The following DTNA variants were observed in gnomAD, a reference collection of about 807,000 sequenced individuals.
The protein encoded by DTNA is dystrobrevin alpha.
A neutral mutation model predicts 100.7 loss-of-function variants in DTNA; 43 were observed. The ratio of observed to expected loss-of-function variants is 0.43; its 90% CI spans 0.33 to 0.55. The LOEUF (loss-of-function observed/expected upper bound fraction) is 0.55. Among genes scored for constraint, DTNA ranks in the 20% least tolerant of loss-of-function variants. The pLI is 0.04. For synonymous variants in DTNA, 349 were observed against 347.9 expected, an observed-to-expected ratio of 1.00 and a Z score of -0.04; for missense variants, 798 against 953.9, an observed-to-expected ratio of 0.84 and a Z score of 2.15.
In DTNA at chr18:34,820,867, C is replaced by T; in HGVS notation, c.953C>T (p.Pro318Leu). The T allele has an allele frequency of 6.2e-7, 1 of 1,614,130 alleles. No individual in the cohort carries two copies. Among genetic ancestry groups the T allele is most frequent in the Non-Finnish European group, 8.5e-7 (1 of 1,179,994 alleles). The change falls in exon 9 of 23, where the codon CCC becomes CTC. Residue 318 changes from proline to leucine, a missense_variant. Pro to Leu is a moderately conservative substitution (Grantham distance 98). Around this residue, in one of 6 missense-constraint regions of DTNA, gnomAD observed 93 missense variants for 90.5 expected, o/e 1.03. Transcript: ENST00000444659. ...GCTTCCAGCCGTGAACCTTTGCACCCCATGTTCCCAGATCAGCCTGAGAAG... is the reference window on the plus strand; with the variant it reads ...GCTTCCAGCCGTGAACCTTTGCACCTCATGTTCCCAGATCAGCCTGAGAAG... The part of the protein sequence containing the change: ...SCASSREPLH[P>L]MFPDQPEKPL...
At chr18:34,876,462 C>T (rs1399867609) in intron 18 of DTNA, among the ~76,000 whole-genome samples, 1 of 151,880 alleles carries the variant, frequency 6.6e-6, no homozygotes, top group Admixed American at 6.6e-5. Flanking sequence ...ATAGACACCA[C>T]CAAAACAAAA....
chr18:34,728,557 G>A (rs981441857), intron 1 of DTNA, among the ~76,000 whole-genome samples: 5 of 151,766 alleles, frequency 3.3e-5, no homozygotes, highest in Non-Finnish European at 5.9e-5. Context: ...ATAAAATAAA[G>A]TATTTTTCTC....
At chr18:34,541,966 A>G (rs1423298067) in intron 1 of DTNA, among the ~76,000 whole-genome samples, 1 of 152,048 alleles carries the variant, frequency 6.6e-6, no homozygotes, top group Admixed American at 6.6e-5. Context: ...TAAGCAAATC[A>G]TAGAAAGTTT....
chr18:34,574,345 G>A (rs944517314), intron 1 of DTNA: 2 of 153,132 alleles, frequency 1.3e-5, no homozygotes, highest in African/African-American at 4.8e-5. Context: ...TTCTTGTCGA[G>A]TTTCTCCAGT....
chr18:34,623,937 A>G (rs2056930013), intron 1 of DTNA, among the ~76,000 whole-genome samples: 1 of 152,218 alleles, frequency 6.6e-6, no homozygotes, highest in South Asian at 2.1e-4. Context: ...CTTTCATAAC[A>G]GGAAAATGCT....
chr18:34,735,781 A>T (rs1360558779), intron 1 of DTNA, among the ~76,000 whole-genome samples: 1 of 152,146 alleles, frequency 6.6e-6, no homozygotes, highest in Admixed American at 6.5e-5. Flanking sequence ...CTATCAACTC[A>T]TTACCCAGGT....
At chr18:34,777,047 C>T (rs1222619877) in intron 3 of DTNA, among the ~76,000 whole-genome samples, 1 of 152,170 alleles carries the variant, frequency 6.6e-6, no homozygotes, top group African/African-American at 2.4e-5. Flanking sequence ...CTTGGCAACC[C>T]CATTTAACAC....
chr18:34,782,016 T>C (rs779465459), intron 3 of DTNA, among the ~76,000 whole-genome samples: 37 of 152,348 alleles, frequency 2.4e-4, no homozygotes, highest in Non-Finnish European at 4.3e-4. Flanking sequence ...CAGTTCAAGT[T>C]ACTGCATAAG....
At chr18:34,796,416 G>A (rs527714290) in intron 4 of DTNA, among the ~76,000 whole-genome samples, 230 of 152,322 alleles carry the variant, frequency 1.5e-3, no homozygotes, top group Non-Finnish European at 2.8e-3. Flanking sequence ...GAGACCCAGC[G>A]TGGAAATCTG....
In DTNA at chr18:34,624,558, A is replaced by T. The variant is rs181695393; in HGVS notation, c.-2+131044A>T. Among the ~76,000 whole-genome samples the T allele has an allele frequency of 3.3e-3, 496 of 152,294 alleles. 4 individuals carry two copies. Among genetic ancestry groups the T allele is most frequent in the Non-Finnish European group, 1.9e-3 (126 of 68,014 alleles). ...TGCCAATATAATTTCAAGTATAATC[A>T]ATGTTAACTGTGGAAATGTTTGTTC... On this transcript the variant is annotated intron_variant, in intron 1 of 19. Coordinates refer to the DTNA transcript ENST00000283365.
At chr18:34,818,743 C>A in intron 8 of DTNA, 1 of 693,838 alleles carries the variant, frequency 1.4e-6, no homozygotes, top group Non-Finnish European at 1.9e-6. Flanking sequence ...CTTTTAAGTG[C>A]GTGACTAGAA....
At chr18:34,666,012 T>A (rs866036235) in intron 1 of DTNA, among the ~76,000 whole-genome samples, 3 of 152,228 alleles carry the variant, frequency 2.0e-5, no homozygotes, top group African/African-American at 7.2e-5. Flanking sequence ...TCTTCCACAA[T>A]GGTTAAACTA....
rs187983951 is a variant in DTNA, at chr18:34,526,873, A to G, written c.-2+33359A>G. Among the ~76,000 whole-genome samples the G allele has an allele frequency of 7.6e-3, 1,161 of 152,228 alleles. 11 individuals are homozygous for G. Among genetic ancestry groups the G allele is most frequent in the Non-Finnish European group, 0.012 (807 of 68,002 alleles). On this transcript the variant is annotated intron_variant, in intron 1 of 19. Transcript: ENST00000283365. ...ACGTTTTCATTTAAAGCTGAAACAC[A>G]TCATTTTGCAAGTGTATTTGGTTTT...
intron 16 of DTNA, among the ~76,000 whole-genome samples, chr18:34,863,183 A>G (rs2096651561): frequency 6.6e-6 from 1 of 152,226 alleles, no homozygotes; most frequent in African/African-American, 2.4e-5. Context: ...AACCATTAAC[A>G]TTCCTCATCA....
chr18:34,590,208 C>A (rs1220284643), intron 1 of DTNA, among the ~76,000 whole-genome samples: 2 of 152,112 alleles, frequency 1.3e-5, no homozygotes, highest in African/African-American at 2.4e-5. Flanking sequence ...CCATATTTGT[C>A]TGTAGAGCCC....
intron 1 of DTNA, among the ~76,000 whole-genome samples, chr18:34,746,948 G>C (rs12969958): frequency 0.076 from 11,609 of 152,038 alleles, 507 homozygotes; most frequent in African/African-American, 0.098. Flanking sequence ...AACTTGTACA[G>C]TCTTACCCAG....
intron 1 of DTNA, among the ~76,000 whole-genome samples, chr18:34,541,076 G>T (rs2044200491): frequency 6.6e-6 from 1 of 151,912 alleles, no homozygotes; most frequent in Admixed American, 6.6e-5. Context: ...ATTCTTCAGC[G>T]GTGAGAACAC....
At chr18:34,837,988 C>A in intron 11 of DTNA, 106 bp from the exon 12 acceptor site, 1 of 982,178 alleles carries the variant, frequency 1.0e-6, no homozygotes, top group Non-Finnish European at 1.6e-6. Flanking sequence ...AGAGATCTGT[C>A]TAAATGAAAC....
At chr18:34,625,962 G>A (rs940330964) in intron 1 of DTNA, among the ~76,000 whole-genome samples, 1 of 152,134 alleles carries the variant, frequency 6.6e-6, no homozygotes, top group Non-Finnish European at 1.5e-5. Flanking sequence ...TTAAGTGTAG[G>A]ATGGGGGTGC....
Sources: allele counts gnomAD v4.1 joint callset (sites outside exome capture counted in the v4.1 genomes callset), GRCh38; gene constraint gnomAD v4.1.1; regional missense constraint gnomAD v4.1.1; transcripts MANE v1.5; gene names NCBI Gene and HGNC (gene_info 2026-07-23, HGNC 2026-07-21).